Variants in INPP4A observed in about 807,000 individuals in gnomAD.
INPP4A encodes the protein inositol polyphosphate-4-phosphatase type I A.
INPP4A carries 33 observed loss-of-function variants against 119.8 expected under a neutral mutation model. That is an observed-to-expected ratio of 0.28 (90% CI 0.21 to 0.37). The LOEUF is 0.37. Ranked by LOEUF, INPP4A falls within the 10% of genes least tolerant of loss-of-function variation. INPP4A has a pLI of 1.00. For synonymous variants in INPP4A, 496 were observed against 500.7 expected (o/e 0.99, Z 0.12); for missense variants, 956 against 1,289.9 (o/e 0.74, Z 3.97).
At chr2:98,485,951 C>G (rs113226505) in intron 1 of INPP4A, among the ~76,000 whole-genome samples, 1 of 152,056 alleles carries the variant, frequency 6.6e-6, no homozygotes, top group Non-Finnish European at 1.5e-5. Flanking sequence ...ACTGCTTGTT[C>G]AAATAAGGGG....
At chr2:98,560,343 A>G (rs939899271) in intron 17 of INPP4A, among the ~76,000 whole-genome samples, 1 of 152,218 alleles carries the variant, frequency 6.6e-6, no homozygotes, top group African/African-American at 2.4e-5. Flanking sequence ...CGAGTCCATG[A>G]CTGTGGGATT....
At chr2:98,510,914 A>T (rs756377413) in intron 1 of INPP4A, among the ~76,000 whole-genome samples, 8 of 152,198 alleles carry the variant, frequency 5.3e-5, no homozygotes, top group Non-Finnish European at 1.0e-4. Context: ...TCACTGGCAG[A>T]CAGTAGGGCT....
chr2:98,547,033 G>A (rs556078192), intron 13 of INPP4A, among the ~76,000 whole-genome samples: 1 of 152,210 alleles, frequency 6.6e-6, no homozygotes, highest in African/African-American at 2.4e-5. Flanking sequence ...CATAGGCATC[G>A]AGCCTGGAGC....
intron 24 of INPP4A, among the ~76,000 whole-genome samples, chr2:98,583,632 T>C (rs558985628): frequency 6.6e-6 from 1 of 152,306 alleles, no homozygotes; most frequent in East Asian, 1.9e-4. Flanking sequence ...CACTGTAGTT[T>C]ATGAAGACGA....
intron 1 of INPP4A, among the ~76,000 whole-genome samples, chr2:98,472,862 A>G (rs540899950): frequency 2.6e-5 from 4 of 152,306 alleles, no homozygotes; most frequent in South Asian, 4.1e-4. Flanking sequence ...CTCCCTCTCC[A>G]TGAGGTGCTC....
At chr2:98,579,294 GC>G (rs1229214807) in intron 24 of INPP4A, among the ~76,000 whole-genome samples, 1 of 152,060 alleles carries the variant, frequency 6.6e-6, no homozygotes, top group Non-Finnish European at 1.5e-5. Context: ...CAGGTGATCC[GC>G]CCACCTTGGC....
chr2:98,571,047 C>T (rs1697348856), intron 22 of INPP4A, among the ~76,000 whole-genome samples: 1 of 152,200 alleles, frequency 6.6e-6, no homozygotes, highest in African/African-American at 2.4e-5. Context: ...AGTCAAGGTC[C>T]TGCGAGGACT....
chr2:98,448,069 A>G (rs1418861148), intron 1 of INPP4A, among the ~76,000 whole-genome samples: 3 of 142,478 alleles, frequency 2.1e-5, no homozygotes, highest in African/African-American at 5.3e-5. Flanking sequence ...AAAAAAAAAA[A>G]TCATGGCCGG....
At chr2:98,560,594 C>T (rs1380312796) in intron 17 of INPP4A, among the ~76,000 whole-genome samples, 1 of 152,232 alleles carries the variant, frequency 6.6e-6, no homozygotes. Flanking sequence ...GCCCCACCCC[C>T]TTGGACCCTC....
At chr2:98,521,524 C>T (rs902252772) in intron 4 of INPP4A, 1 of 152,260 alleles carries the variant, frequency 6.6e-6, no homozygotes, top group Admixed American at 6.5e-5. Flanking sequence ...GAACAGTTTC[C>T]TCCTGTGCTA....
Position 98,470,327 on chromosome 2 carries a change from G to C in INPP4A, c.-166+25242G>C, listed in dbSNP as rs555062983. On this transcript the variant is annotated intron_variant, in intron 1 of 24. Coordinates refer to ENST00000409851, the MANE Select transcript of INPP4A (RefSeq NM_001134225.2). ...GCCCCTGGAGGCTGACCCAGTGCAC[G>C]TGCAGCCCCACCTGGGGTTCCCCTG... Among the ~76,000 whole-genome samples, 6 of 152,358 alleles carry C rather than the reference G, an allele frequency of 3.9e-5. No homozygotes were observed. In the South Asian group the frequency reaches 1.2e-3, roughly 32 times the overall value.
chr2:98,471,056 A>G (rs1051854368), intron 1 of INPP4A, among the ~76,000 whole-genome samples: 3 of 152,216 alleles, frequency 2.0e-5, no homozygotes, highest in African/African-American at 4.8e-5. Context: ...GTTGACCTGT[A>G]GTTTCAGAAA....
chr2:98,459,347 C>T (rs1424869971), intron 1 of INPP4A, among the ~76,000 whole-genome samples: 2 of 152,088 alleles, frequency 1.3e-5, no homozygotes, highest in Non-Finnish European at 2.9e-5. Flanking sequence ...GGAAGGGGGT[C>T]GCTGCTGAGT....
At chr2:98,557,930 C>G (rs1371080394) in intron 16 of INPP4A, among the ~76,000 whole-genome samples, 1 of 152,178 alleles carries the variant, frequency 6.6e-6, no homozygotes, top group Non-Finnish European at 1.5e-5. Context: ...CTCCTGTACA[C>G]TCTGTTGCTC....
intron 1 of INPP4A, among the ~76,000 whole-genome samples, chr2:98,469,265 G>A (rs895151156): frequency 2.0e-5 from 3 of 152,086 alleles, no homozygotes; most frequent in Non-Finnish European, 2.9e-5. Flanking sequence ...TTGGGAGGCC[G>A]AGGTGGGTAG....
At position 98,554,211 on chromosome 2, in the gene INPP4A, G is replaced by C. The variant is rs1292129667; in HGVS notation, c.1348-60G>C. On this transcript the variant is annotated intron_variant, in intron 14 of 24. Coordinates refer to ENST00000409851, the MANE Select transcript of INPP4A (RefSeq NM_001134225.2). This position sits in a 1 kb window ranked among gnomAD's most constrained non-coding sequence, Gnocchi z 4.7. ...GCCCATTCTCCATTTCTGAGATAAG[G>C]CAGGGGCCTCCCCAGCCCCTGGCCT... The C allele has an allele frequency of 7.6e-7, 1 of 1,321,126 alleles. No homozygotes were observed. The highest frequency in any genetic ancestry group is 1.5e-5 in the African/African-American group (1 of 68,546). The allele number at this position is 1,321,126 out of a possible 1,614,324, so 81.8% of individuals were successfully genotyped here. A position where few individuals can be genotyped will look rare whatever the true frequency, so the allele number is the denominator to read the frequency against.
chr2:98,469,878 A>G (rs780874971), intron 1 of INPP4A, among the ~76,000 whole-genome samples: 6 of 152,060 alleles, frequency 3.9e-5, no homozygotes, highest in Non-Finnish European at 8.8e-5. Context: ...ATCCCCACAT[A>G]TTGGTGTTGA....
At chr2:98,527,578 T>C (rs1248651669) in intron 4 of INPP4A, among the ~76,000 whole-genome samples, 1 of 152,194 alleles carries the variant, frequency 6.6e-6, no homozygotes, top group East Asian at 1.9e-4. Flanking sequence ...GTGTGCATAC[T>C]CAGGAGACGT....
At position 98,538,820 on chromosome 2, in the gene INPP4A, T is replaced by C. The variant is rs190163179; in HGVS notation, c.580-71T>C. ...TTCTGTTATGATGTATTTAGGCCAC[T>C]GTTTCTGCTGAATGTTCTGGAGTCA... On this transcript the variant is annotated intron_variant, in intron 8 of 24. Coordinates refer to ENST00000409851, the MANE Select transcript of INPP4A (RefSeq NM_001134225.2). The C allele has an allele frequency of 3.1e-3, 2,679 of 858,520 alleles. 4 individuals carry two copies. Among genetic ancestry groups the C allele is most frequent in the Middle Eastern group, 6.9e-3 (32 of 4,652 alleles). 53.2% of individuals were successfully genotyped at this position (858,520 alleles called of 1,614,324 possible). A position where few individuals can be genotyped will look rare whatever the true frequency, so the allele number is the denominator to read the frequency against.
Sources: gnomAD v4.1 joint callset for allele counts (sites outside exome capture counted in the v4.1 genomes callset) on GRCh38, gnomAD v4.1.1 for gene constraint, Gnocchi (gnomAD v3.1) non-coding constraint, MANE v1.5 for transcripts, NCBI Gene and HGNC (gene_info 2026-07-23, HGNC 2026-07-21) for gene names.